The following SV2C variants were observed in gnomAD, a reference collection of about 807,000 sequenced individuals.
The protein encoded by SV2C is solute carrier family 22 member B3.
SV2C carries 49 observed loss-of-function variants against 79.7 expected under a neutral mutation model. The ratio of observed to expected loss-of-function variants is 0.61; its 90% CI spans 0.49 to 0.78. SV2C has a LOEUF of 0.78. SV2C is among the 30% of genes least tolerant of loss of function. SV2C has a pLI of 0.00. For missense variants in SV2C, 833 were observed against 912.9 expected (o/e 0.91, Z 1.13); for synonymous variants, 334 against 333.2 (o/e 1.00, Z -0.03).
chr5:76,331,355 C>CAA lies in SV2C; in HGVS notation c.*5809_*5810dup, dbSNP rs1455035668. On this transcript the variant is annotated 3_prime_UTR_variant, in exon 13 of 13. Transcript: ENST00000502798. ...TGATTTTGAAGATTTGTGGGTGAGT[C>CAA]AATTATCTTTGCAGACATCCTAAAG... 1 of 152,282 alleles carries CAA rather than the reference C, an allele frequency of 6.6e-6. No homozygotes were observed. Among genetic ancestry groups the CAA allele is most frequent in the African/African-American group, 2.4e-5 (1 of 41,452 alleles). The allele number at this position is 152,282 out of a possible 1,614,324, so 9.4% of individuals were successfully genotyped here.
chr5:76,265,891 G>A (rs1746638889), intron 4 of SV2C, among the ~76,000 whole-genome samples: 1 of 151,510 alleles, frequency 6.6e-6, no homozygotes, highest in African/African-American at 2.4e-5. Flanking sequence ...ATCACGCTGG[G>A]AGCTGCAGAC....
chr5:76,284,551 G>A (rs1747288047), intron 4 of SV2C, among the ~76,000 whole-genome samples: 1 of 152,156 alleles, frequency 6.6e-6, no homozygotes, highest in African/African-American at 2.4e-5. Context: ...GTGCCTCAAA[G>A]AGCAACAGGA....
intron 2 of SV2C, among the ~76,000 whole-genome samples, chr5:76,139,860 T>TAAAATA: frequency 1.6e-5 from 1 of 63,156 alleles, no homozygotes; most frequent in African/African-American, 3.9e-5. Flanking sequence ...GAAAGTATTT[T>TAAAATA]TTTTTTTTTT....
At chr5:75,953,829 T>G in the SV2C span, among the ~76,000 whole-genome samples, 2 of 151,988 alleles carry the variant, frequency 1.3e-5, no homozygotes, top group South Asian at 2.1e-4. Context: ...GTCTACAAAA[T>G]GTACCTTTTC....
intron 6 of SV2C, among the ~76,000 whole-genome samples, chr5:76,289,342 T>A (rs547429829): frequency 1.1e-4 from 17 of 152,264 alleles, no homozygotes; most frequent in Middle Eastern, 6.8e-3. Flanking sequence ...ACAAATCTCC[T>A]GAGCTCCACA....
chr5:76,104,650 C>G (rs1747850120), intron 1 of SV2C, among the ~76,000 whole-genome samples: 1 of 152,194 alleles, frequency 6.6e-6, no homozygotes, highest in Non-Finnish European at 1.5e-5. Context: ...AACATACTCT[C>G]TAGCTCCTAA....
chr5:76,194,887 T>C (rs1374916682), intron 2 of SV2C, 32 bp from the exon 3 acceptor site: 1 of 1,608,150 alleles, frequency 6.2e-7, no homozygotes, highest in Admixed American at 1.7e-5. Context: ...TCCCAACCTC[T>C]GATGTGTTTC....
the SV2C span, chr5:75,910,702 G>A: frequency 2.1e-3 from 2,845 of 1,340,434 alleles, 58 homozygotes; most frequent in East Asian, 0.035. Context: ...CAGAGGAAGA[G>A]TTCAACAAAG....
At chr5:75,962,818 T>C in the SV2C span, among the ~76,000 whole-genome samples, 39,042 of 151,960 alleles carry the variant, frequency 0.26, 6,186 homozygotes, top group Non-Finnish European at 0.37. Flanking sequence ...CTAAACCACA[T>C]AGACTGAGAA....
intron 4 of SV2C, among the ~76,000 whole-genome samples, chr5:76,212,784 C>T (rs1255998950): frequency 6.6e-6 from 1 of 152,154 alleles, no homozygotes; most frequent in Non-Finnish European, 1.5e-5. Flanking sequence ...TCCTCTGACT[C>T]TGCCTTTCAC....
At chr5:76,199,680 C>A (rs964458809) in intron 3 of SV2C, among the ~76,000 whole-genome samples, 7 of 152,236 alleles carry the variant, frequency 4.6e-5, no homozygotes, top group Non-Finnish European at 1.0e-4. Flanking sequence ...GTTCAAGCAG[C>A]AACCAGCATA....
At chr5:76,108,309 A>G (rs1320148678) in intron 1 of SV2C, among the ~76,000 whole-genome samples, 2 of 152,206 alleles carry the variant, frequency 1.3e-5, no homozygotes, top group Non-Finnish European at 2.9e-5. Flanking sequence ...GTTAACTTAT[A>G]TAATGTGGCC....
chr5:76,281,210 A>T (rs905550003), intron 4 of SV2C: 8 of 531,766 alleles, frequency 1.5e-5, no homozygotes, highest in Admixed American at 1.2e-4. Context: ...AACAGAAAAG[A>T]CAACAACAGT....
the SV2C span, among the ~76,000 whole-genome samples, chr5:76,040,557 G>A: frequency 6.2e-4 from 95 of 152,334 alleles, no homozygotes; most frequent in African/African-American, 2.1e-3. Flanking sequence ...TGAATTATAT[G>A]TGTAGGTTGG....
At chr5:75,856,953 T>TC in the SV2C span, among the ~76,000 whole-genome samples, 10 of 148,600 alleles carry the variant, frequency 6.7e-5, no homozygotes, top group East Asian at 1.6e-3. Context: ...GTGTCTTTAA[T>TC]CCTTTTTTTT....
At chr5:76,054,039 C>T in the SV2C span, among the ~76,000 whole-genome samples, 3 of 152,032 alleles carry the variant, frequency 2.0e-5, no homozygotes, top group East Asian at 5.8e-4. Context: ...AAGTTTGTTA[C>T]ATAGGTATGC....
chr5:75,864,185 GAAAAAC>G, the SV2C span, among the ~76,000 whole-genome samples: 1 of 152,062 alleles, frequency 6.6e-6, no homozygotes, highest in African/African-American at 2.4e-5. Context: ...TTTTTTTATA[GAAAAAC>G]TGAGCCTGAT....
At chr5:75,970,000 G>A in the SV2C span, among the ~76,000 whole-genome samples, 1 of 151,970 alleles carries the variant, frequency 6.6e-6, no homozygotes, top group Admixed American at 6.5e-5. Context: ...AATCAAACTA[G>A]AACTCAGGAT....
At chr5:75,962,345 A>G in the SV2C span, among the ~76,000 whole-genome samples, 1 of 152,142 alleles carries the variant, frequency 6.6e-6, no homozygotes, top group Admixed American at 6.6e-5. Context: ...TTGTATACTT[A>G]GAGCCTATCA....
Sources: gnomAD v4.1 joint callset for allele counts (sites outside exome capture counted in the v4.1 genomes callset) on GRCh38, gnomAD v4.1.1 for gene constraint, MANE v1.5 for transcripts, NCBI Gene and HGNC (gene_info 2026-07-23, HGNC 2026-07-21) for gene names.